The following SH3RF3 variants were observed in gnomAD, a reference collection of about 807,000 sequenced individuals.
SH3RF3 encodes SH3 domain containing ring finger 3.
In SH3RF3, 29 loss-of-function variants were observed where a neutral mutation model predicts 66.3. The observed-to-expected ratio is 0.44, with a 90% CI of 0.33 to 0.60. SH3RF3 has a LOEUF of 0.60. SH3RF3 is among the 20% of genes least tolerant of loss of function. SH3RF3 has a pLI of 0.04. For synonymous variants in SH3RF3, 583 were observed against 532.0 expected (o/e 1.10, Z -1.32); for missense variants, 1,194 against 1,190.9 (o/e 1.00, Z -0.04).
chr2:109,322,006 A>G (rs1682037669), intron 1 of SH3RF3, among the ~76,000 whole-genome samples: 1 of 152,196 alleles, frequency 6.6e-6, no homozygotes, highest in South Asian at 2.1e-4. Context: ...ACCACATTTC[A>G]AGAAGTGGAT....
chr2:109,161,537 G>A (rs932417613), intron 1 of SH3RF3, among the ~76,000 whole-genome samples: 1 of 151,638 alleles, frequency 6.6e-6, no homozygotes, highest in African/African-American at 2.4e-5. Flanking sequence ...ACATGTCTTA[G>A]TCTAGCACCT....
chr2:109,382,114 G>T (rs1321646251), intron 3 of SH3RF3, among the ~76,000 whole-genome samples: 1 of 152,178 alleles, frequency 6.6e-6, no homozygotes, highest in African/African-American at 2.4e-5. Flanking sequence ...CATCAGAGTT[G>T]CAGTGGTCTG....
chr2:109,166,251 G>A (rs533521086), intron 1 of SH3RF3, among the ~76,000 whole-genome samples: 2 of 152,214 alleles, frequency 1.3e-5, no homozygotes, highest in South Asian at 4.2e-4. Context: ...GGCTGAGGCA[G>A]GTGGATCACG....
At chr2:109,396,210 G>T (rs1676139871) in intron 3 of SH3RF3, among the ~76,000 whole-genome samples, 1 of 152,224 alleles carries the variant, frequency 6.6e-6, no homozygotes, top group Non-Finnish European at 1.5e-5. Flanking sequence ...AGGGCTGTGG[G>T]AGGGAACAGG....
chr2:109,130,022 C>G lies in SH3RF3; in HGVS notation c.482C>G (p.Pro161Arg). ...GGGGGCGGCGCGGCAGGCAGCACCC[C>G]GGGTTCCCCGGTTTTCCTCTCCGCG... is the stretch of plus-strand genomic sequence containing the variant. ...GGGGGAAGST[P>R]GSPVFLSAAA... is the part of the protein sequence containing the mutation. Residue 161 changes from proline to arginine, a missense_variant, in exon 1 of 10, where the codon CCG becomes CGG. Coordinates refer to ENST00000309415, the MANE Select transcript of SH3RF3 (RefSeq NM_001099289.3). 7.6e-7 allele frequency: 1 copy of G among 1,322,226 alleles called. No individual in the cohort carries two copies. Among genetic ancestry groups the G allele is most frequent in the South Asian group, 2.1e-5 (1 of 47,210 alleles). The allele number at this position is 1,322,226 out of a possible 1,614,324, so 81.9% of individuals were successfully genotyped here.
intron 4 of SH3RF3, among the ~76,000 whole-genome samples, chr2:109,416,124 T>C (rs1166040980): frequency 6.6e-6 from 1 of 152,178 alleles, no homozygotes; most frequent in Non-Finnish European, 1.5e-5. Flanking sequence ...TTCCTTTTTG[T>C]TATAAATTAC....
intron 5 of SH3RF3, among the ~76,000 whole-genome samples, chr2:109,424,398 C>T (rs1676975317): frequency 6.6e-6 from 1 of 152,228 alleles, no homozygotes; most frequent in Admixed American, 6.5e-5. Flanking sequence ...AGTGGTGGGG[C>T]TTCAGCCTCA....
At chr2:109,468,201 C>T (rs73953123) in intron 8 of SH3RF3, among the ~76,000 whole-genome samples, 6,880 of 152,286 alleles carry the variant, frequency 0.045, 471 homozygotes, top group African/African-American at 0.14. Context: ...TGTGACACAC[C>T]TAGGCTGTGT....
At chr2:109,250,678 A>G (rs537052767) in intron 1 of SH3RF3, among the ~76,000 whole-genome samples, 1 of 152,086 alleles carries the variant, frequency 6.6e-6, no homozygotes, top group South Asian at 2.1e-4. Flanking sequence ...TATGGAAAAC[A>G]TATTTATATC....
chr2:109,213,711 G>A (rs953074502), intron 1 of SH3RF3, among the ~76,000 whole-genome samples: 1 of 152,330 alleles, frequency 6.6e-6, no homozygotes, highest in African/African-American at 2.4e-5. Context: ...TCAGAGCCTG[G>A]CCTTTATCCT....
intron 1 of SH3RF3, among the ~76,000 whole-genome samples, chr2:109,267,672 C>T (rs1437900696): frequency 6.6e-6 from 1 of 152,208 alleles, no homozygotes; most frequent in Non-Finnish European, 1.5e-5. Flanking sequence ...GTCTGGGAGG[C>T]AGGAGCCCCA....
At position 109,217,739 on chromosome 2, in the gene SH3RF3, C is replaced by T. The variant is rs948458180; in HGVS notation, c.573+87626C>T. Among the ~76,000 whole-genome samples, 17 of 152,170 alleles carry T rather than the reference C, an allele frequency of 1.1e-4. 1 individual carries two copies. The highest frequency in any genetic ancestry group is 2.2e-4 in the Non-Finnish European group (15 of 68,022). ...TGGGGTGTTGCCTAACACCAAATAA[C>T]TATGGCCACTCAACTAATAGATCAT... On this transcript the variant is annotated intron_variant, in intron 1 of 9. Transcript: ENST00000309415.
chr2:109,200,042 C>A (rs967585131), intron 1 of SH3RF3, among the ~76,000 whole-genome samples: 1 of 151,970 alleles, frequency 6.6e-6, no homozygotes, highest in Non-Finnish European at 1.5e-5. Flanking sequence ...GACAGCCCCC[C>A]ACAGAGAAAT....
chr2:109,222,254 A>G (rs992390834), intron 1 of SH3RF3, among the ~76,000 whole-genome samples: 1 of 152,208 alleles, frequency 6.6e-6, no homozygotes, highest in African/African-American at 2.4e-5. Flanking sequence ...ATACAGTCAG[A>G]AGGAATGAAT....
intron 8 of SH3RF3, among the ~76,000 whole-genome samples, chr2:109,466,173 C>T (rs1030588295): frequency 6.8e-6 from 1 of 147,272 alleles, no homozygotes; most frequent in Admixed American, 7.1e-5. Flanking sequence ...ACCTCTGCCT[C>T]CCAGGTTCAA....
chr2:109,374,851 C>T (rs1683346590), intron 3 of SH3RF3, among the ~76,000 whole-genome samples: 1 of 152,190 alleles, frequency 6.6e-6, no homozygotes, highest in Admixed American at 6.5e-5. Flanking sequence ...CTCAGCTTCC[C>T]ATCAGCGCAG....
chr2:109,314,214 C>A (rs113104063), intron 1 of SH3RF3, among the ~76,000 whole-genome samples: 1,874 of 152,220 alleles, frequency 0.012, 20 homozygotes, highest in Non-Finnish European at 0.018. Flanking sequence ...GCACCAGAAC[C>A]ATGTGGGTCA....
intron 1 of SH3RF3, among the ~76,000 whole-genome samples, chr2:109,165,261 C>A (rs56037696): frequency 0.014 from 2,062 of 152,286 alleles, 61 homozygotes; most frequent in African/African-American, 0.047. Context: ...GGTTCAGAGT[C>A]ATTTTGCAGG....
chr2:109,303,660 C>T (rs901198930), intron 1 of SH3RF3, among the ~76,000 whole-genome samples: 2 of 152,226 alleles, frequency 1.3e-5, no homozygotes, highest in African/African-American at 4.8e-5. Context: ...GTGCAGGAGA[C>T]TGCCCACATT....
Sources: gnomAD v4.1 joint callset for allele counts (sites outside exome capture counted in the v4.1 genomes callset) on GRCh38, gnomAD v4.1.1 for gene constraint, MANE v1.5 for transcripts, NCBI Gene and HGNC (gene_info 2026-07-23, HGNC 2026-07-21) for gene names.